Variants in IL17RE observed in about 807,000 individuals in gnomAD.
IL17RE encodes the protein interleukin-17 receptor E.
In IL17RE, 47 loss-of-function variants were observed where a neutral mutation model predicts 70.7. The observed-to-expected ratio is 0.67, with a 90% confidence interval of 0.53 to 0.85. The LOEUF is 0.85. Ranked by LOEUF, IL17RE falls within the 40% of genes least tolerant of loss-of-function variation. IL17RE has a pLI of 0.00. For synonymous variants in IL17RE, 372 were observed against 381.2 expected (o/e 0.98, Z 0.28); for missense variants, 850 against 893.9 (o/e 0.95, Z 0.63).
In IL17RE at chr3:9,906,380, C is replaced by G. The variant is rs567304573; in HGVS notation, c.285C>G (p.Leu95=). Residue 95 remains leucine, a synonymous_variant, in exon 4 of 16, where the codon CTC becomes CTG. Coordinates refer to ENST00000383814, the MANE Select transcript of IL17RE (RefSeq NM_153480.2). ...CCTGCACAGGTCTTCAACGGGGCCTCTTCCACCTCCTGGTGCAGAAATCCA... is the reference window on the plus strand; with the variant it reads ...CCTGCACAGGTCTTCAACGGGGCCTGTTCCACCTCCTGGTGCAGAAATCCA... ...LSGGSGLQRG[L]FHLLVQKSKK... 7 of 1,613,818 alleles carry G rather than the reference C, an allele frequency of 4.3e-6. 1 individual carries two copies. The South Asian group carries it at 7.7e-5, about 18-fold the overall frequency.
At chr3:9,902,509 T>G (rs902778828), upstream of IL17RE, 7 of 966,910 alleles carry the variant, frequency 7.2e-6, no homozygotes, top group Admixed American at 4.1e-5. Context: ...CGGCTAATTC[T>G]CTAAGTGAGG....
intron 7 of IL17RE, 136 bp downstream of exon 7, chr3:9,908,443 G>A (rs2082811525): frequency 9.6e-6 from 7 of 731,414 alleles, no homozygotes; most frequent in African/African-American, 3.5e-5. Flanking sequence ...GAAGACCAGC[G>A]CCAGCTTGGC....
At chr3:9,904,959 G>T (rs980007198) in intron 3 of IL17RE, among the ~76,000 whole-genome samples, 3 of 150,906 alleles carry the variant, frequency 2.0e-5, no homozygotes, top group Non-Finnish European at 2.9e-5. Context: ...GCTGGATGTG[G>T]TAGTGCACAC....
At chr3:9,903,468 G>A in intron 2 of IL17RE, 56 bp downstream of exon 2, 1 of 1,578,966 alleles carries the variant, frequency 6.3e-7, no homozygotes, top group Non-Finnish European at 8.7e-7. Context: ...TTTTGCAGAT[G>A]CCTAGCAAGC....
At chr3:9,914,621 G>A (rs777880522) in intron 14 of IL17RE, 22 bp downstream of exon 14, 10 of 1,613,446 alleles carry the variant, frequency 6.2e-6, no homozygotes, top group Non-Finnish European at 6.8e-6. Context: ...GGGAGGGGGA[G>A]GTAAGAGGGA....
At position 9,916,059 on chromosome 3, in the gene IL17RE, C is replaced by T. The variant is rs2125103178; in HGVS notation, c.*252C>T. ...CTGATGGGGGAGGGCGGTCTTCCCA[C>T]TTCCTCTCCAGAACTCCAGAAAGAG... On this transcript the variant is annotated 3_prime_UTR_variant, in exon 16 of 16. Coordinates refer to ENST00000383814, the MANE Select transcript of IL17RE (RefSeq NM_153480.2). The T allele has an allele frequency of 2.0e-6, 1 of 496,806 alleles. No individual in the cohort carries two copies. Among genetic ancestry groups the T allele is most frequent in the South Asian group, 5.7e-5 (1 of 17,490 alleles). 30.8% of individuals were successfully genotyped at this position (496,806 alleles called of 1,614,324 possible). A position where few individuals can be genotyped will look rare whatever the true frequency, so the allele number is the denominator to read the frequency against.
At chr3:9,902,558 G>T, upstream of IL17RE, 1 of 1,419,476 alleles carries the variant, frequency 7.0e-7, no homozygotes, top group Non-Finnish European at 9.6e-7. Flanking sequence ...AAGTTCCAGA[G>T]TGTGCTGATG....
In IL17RE at chr3:9,904,080, C is replaced by T. The variant is rs2082697197; in HGVS notation, c.197C>T (p.Thr66Ile). ...CGCACCTGGTGGGCCCTCTTCTCCA[C>T]AAAGCCTTGGTGTGTGCGAGTCTGG... Reference protein sequence around the residue: ...PCRTWWALFSTKPWCVRVWHC... With the variant: ...PCRTWWALFSIKPWCVRVWHC... The change falls in exon 3 of 16, where the codon ACA becomes ATA. Residue 66 changes from threonine to isoleucine, a missense_variant. Transcript: ENST00000383814. 6.2e-7 allele frequency: 1 copy of T among 1,614,190 alleles called. No individual in the cohort carries two copies. Among genetic ancestry groups the T allele is most frequent in the African/African-American group, 1.3e-5 (1 of 75,044 alleles).
At chr3:9,914,140 T>A in intron 13 of IL17RE, 116 bp downstream of exon 13, 1 of 850,810 alleles carries the variant, frequency 1.2e-6, no homozygotes, top group African/African-American at 1.7e-5. Context: ...CACAGTGTTT[T>A]AAATTGAAAT....
intron 6 of IL17RE, among the ~76,000 whole-genome samples, chr3:9,907,846 G>A (rs1260690822): frequency 6.6e-6 from 1 of 152,100 alleles, no homozygotes; most frequent in Non-Finnish European, 1.5e-5. Context: ...TATACAGTTG[G>A]TAGCATTTGC....
chr3:9,915,835 C>A lies in IL17RE; in HGVS notation c.*28C>A. On this transcript the variant is annotated 3_prime_UTR_variant, in exon 16 of 16. Transcript: ENST00000383814. This position sits in a 1 kb window ranked among gnomAD's most constrained non-coding sequence, Gnocchi z 4.9. ...AGAGCTCCACCGCAGTCCCGGGTGT[C>A]TGCGGCCGCAACGCAACGGACACTG... 6.8e-7 allele frequency: 1 copy of A among 1,476,202 alleles called. No individual in the cohort carries two copies. Among genetic ancestry groups the A allele is most frequent in the South Asian group, 1.4e-5 (1 of 73,558 alleles). 91.4% of individuals were successfully genotyped at this position (1,476,202 alleles called of 1,614,324 possible).
intron 8 of IL17RE, 188 bp downstream of exon 8, chr3:9,909,471 T>C (rs1414845917): frequency 1.6e-6 from 1 of 621,032 alleles, no homozygotes; most frequent in African/African-American, 1.8e-5. Context: ...AGTCTACCAG[T>C]CCGCTTGCCA....
chr3:9,908,335 C>T (rs770301049), intron 7 of IL17RE, 28 bp downstream of exon 7: 51 of 1,598,370 alleles, frequency 3.2e-5, no homozygotes, highest in Non-Finnish European at 4.3e-5. Context: ...TGTGGGCTGT[C>T]CATGGCTCTG....
In IL17RE at chr3:9,906,288, A is replaced by ACTGT. The variant is rs111781470; in HGVS notation, c.269-74_269-73insGTCT. On this transcript the variant is annotated intron_variant, in intron 3 of 15. Coordinates refer to ENST00000383814, the MANE Select transcript of IL17RE (RefSeq NM_153480.2). The stretch of plus-strand genomic sequence containing the variant: ...TAAATAAAATAAAATAAAATTACTT[A>ACTGT]CTAACACTGGGCCACATCTCCAGGC... 14,022 of 675,778 alleles carry ACTGT rather than the reference A, an allele frequency of 0.021. 1,426 individuals carry two copies. In the African/African-American group the frequency reaches 0.22, roughly 11 times the overall value. 41.9% of individuals were successfully genotyped at this position (675,778 alleles called of 1,614,324 possible).
At chr3:9,911,376 C>T (rs2082887607) in intron 11 of IL17RE, 67 bp from the exon 12 acceptor site, 1 of 1,612,622 alleles carries the variant, frequency 6.2e-7, no homozygotes, top group East Asian at 2.2e-5. Context: ...AGCTAAACCC[C>T]AGCCCAGCCC....
chr3:9,903,792 C>A (rs563835696), intron 2 of IL17RE, among the ~76,000 whole-genome samples: 97 of 152,330 alleles, frequency 6.4e-4, no homozygotes, highest in African/African-American at 2.3e-3. Context: ...AGTAATACAA[C>A]AATAATCCTT....
At chr3:9,912,297 G>A (rs1264183117) in intron 12 of IL17RE, among the ~76,000 whole-genome samples, 1 of 152,026 alleles carries the variant, frequency 6.6e-6, no homozygotes, top group Non-Finnish European at 1.5e-5. Flanking sequence ...CCAGTCCCTG[G>A]TGCCAAAAAG....
chr3:9,902,626 C>A, upstream of IL17RE: 3 of 1,536,072 alleles, frequency 2.0e-6, no homozygotes, highest in Non-Finnish European at 2.6e-6. Context: ...ATGGGTGCGT[C>A]CCCCAACCTG....
At chr3:9,914,966 T>G (rs2082979955) in intron 15 of IL17RE, among the ~76,000 whole-genome samples, 189 bp downstream of exon 15, 1 of 152,226 alleles carries the variant, frequency 6.6e-6, no homozygotes, top group Admixed American at 6.5e-5. Flanking sequence ...ATATTGTCAC[T>G]GTACTGAGTC....
Sources: gnomAD v4.1 joint callset for allele counts (sites outside exome capture counted in the v4.1 genomes callset) on GRCh38, gnomAD v4.1.1 for gene constraint, Gnocchi (gnomAD v3.1) non-coding constraint, MANE v1.5 for transcripts, NCBI Gene and HGNC (gene_info 2026-07-23, HGNC 2026-07-21) for gene names.